The following GOLIM4 variants were observed in gnomAD, a reference collection of about 807,000 sequenced individuals.
The protein encoded by GOLIM4 is golgi integral membrane protein 4.
In GOLIM4, 71 loss-of-function variants were observed where a neutral mutation model predicts 107.4. The ratio of observed to expected loss-of-function variants is 0.66; its 90% CI spans 0.55 to 0.81. The LOEUF is 0.81. Ranked by LOEUF, GOLIM4 falls within the 30% of genes least tolerant of loss-of-function variation. The probability of loss-of-function intolerance (pLI) is 0.00; values close to 1 mark genes in which losing one functional copy is unlikely to be tolerated. For synonymous variants in GOLIM4, 327 were observed against 294.8 expected (o/e 1.11, Z -1.12); for missense variants, 830 against 826.1 (o/e 1.00, Z -0.06).
chr3:168,027,938 A>G (rs1263586563), intron 11 of GOLIM4, 101 bp from the exon 12 acceptor site: 4 of 737,552 alleles, frequency 5.4e-6, no homozygotes, highest in East Asian at 2.4e-5. Flanking sequence ...ACAGACTACA[A>G]TACCTCCACC....
At chr3:168,083,308 T>A (rs1241425135) in intron 1 of GOLIM4, among the ~76,000 whole-genome samples, 3 of 152,156 alleles carry the variant, frequency 2.0e-5, no homozygotes, top group Non-Finnish European at 4.4e-5. Flanking sequence ...CAAATAAAAC[T>A]TCACCAAGGA....
At chr3:168,063,442 A>G (rs1720370433) in intron 1 of GOLIM4, among the ~76,000 whole-genome samples, 1 of 152,178 alleles carries the variant, frequency 6.6e-6, no homozygotes, top group Admixed American at 6.5e-5. Context: ...AAAGAAAGGT[A>G]CAGAGATTTC....
In GOLIM4 at chr3:168,053,892, T is replaced by G. The variant is rs186004878; in HGVS notation, c.188-5527A>C. 9.0e-3 allele frequency among the ~76,000 whole-genome samples: 1,366 copies of G among 152,052 alleles called. 47 individuals are homozygous for G. The highest frequency in any genetic ancestry group is 4.2e-3 in the Non-Finnish European group (286 of 67,956). ...GAGATCTCCTAGAAAACAACCCCCA[T>G]AAAAGAAAGAAATAAAAAGAAAAAG... On this transcript the variant is annotated intron_variant, in intron 1 of 15. Transcript: ENST00000470487.
At chr3:168,090,392 CAAG>C (rs1352180023) in intron 1 of GOLIM4, among the ~76,000 whole-genome samples, 1 of 151,774 alleles carries the variant, frequency 6.6e-6, no homozygotes, top group Admixed American at 6.6e-5. Flanking sequence ...GGAAGCTAGA[CAAG>C]AAGACAACAC....
At position 168,029,787 on chromosome 3, in the gene GOLIM4, G is replaced by A; in HGVS notation, c.1426C>T (p.Gln476Ter). The A allele has an allele frequency of 6.2e-7, 1 of 1,613,520 alleles. No homozygotes were observed. The highest frequency in any genetic ancestry group is 8.5e-7 in the Non-Finnish European group (1 of 1,179,894). The change falls in exon 10 of 16, where the codon CAG becomes TAG. Residue 476 changes from glutamine to a stop codon, truncating the protein, a stop_gained. Transcript: ENST00000470487. LOFTEE classifies it high-confidence loss of function. ...AAGGAAGGGGAAGGCTACCGGAGCT[G>A]CTCCTGGTGCTGCGGCCGGCCCTCC... ...LEEGRPQHQE[Q>*]LRQQAHYDAM...
At chr3:168,024,187 A>AACT (rs1717867175) in intron 14 of GOLIM4, among the ~76,000 whole-genome samples, 1 of 152,216 alleles carries the variant, frequency 6.6e-6, no homozygotes, top group Non-Finnish European at 1.5e-5. Flanking sequence ...GGCAGTCCAG[A>AACT]TTCCCTCAAT....
chr3:168,073,004 A>C (rs999779973), intron 1 of GOLIM4, among the ~76,000 whole-genome samples: 1 of 152,222 alleles, frequency 6.6e-6, no homozygotes, highest in Non-Finnish European at 1.5e-5. Context: ...ACTTACGTAG[A>C]CCAGGCTTCC....
At chr3:168,041,529 T>C in intron 5 of GOLIM4, 55 bp from the exon 6 acceptor site, 1 of 821,740 alleles carries the variant, frequency 1.2e-6, no homozygotes, top group Non-Finnish European at 2.0e-6. Context: ...CAGGATTCTG[T>C]TTCTATTATT....
intron 14 of GOLIM4, among the ~76,000 whole-genome samples, chr3:168,015,657 TA>T (rs1717322155): frequency 1.5e-5 from 2 of 136,382 alleles, no homozygotes; most frequent in African/African-American, 3.7e-5. Context: ...AAGGCTACAG[TA>T]ACCAAAACAG....
At chr3:168,086,162 A>T (rs1363911554) in intron 1 of GOLIM4, among the ~76,000 whole-genome samples, 1 of 152,108 alleles carries the variant, frequency 6.6e-6, no homozygotes, top group East Asian at 1.9e-4. Flanking sequence ...AATTTAAAAC[A>T]TTTTCTGTCT....
Position 168,010,175 on chromosome 3 carries a change from G to T in GOLIM4, c.*94C>A. 9.1e-7 allele frequency: 1 copy of T among 1,102,980 alleles called. No individual in the cohort carries two copies. The highest frequency in any genetic ancestry group is 1.3e-6 in the Non-Finnish European group (1 of 783,456). 68.3% of individuals were successfully genotyped at this position (1,102,980 alleles called of 1,614,324 possible). A position where few individuals can be genotyped will look rare whatever the true frequency, so the allele number is the denominator to read the frequency against. ...AAAAAAGTCTAAGTTCTTAATTTTT[G>T]TAATTAAATATCCTAGAGTTCAGTA... On this transcript the variant is annotated 3_prime_UTR_variant, in exon 16 of 16. Coordinates refer to ENST00000470487, the MANE Select transcript of GOLIM4 (RefSeq NM_014498.5).
chr3:168,084,523 T>C (rs1394354374), intron 1 of GOLIM4, among the ~76,000 whole-genome samples: 1 of 152,178 alleles, frequency 6.6e-6, no homozygotes, highest in Non-Finnish European at 1.5e-5. Flanking sequence ...AGTTTTAAAA[T>C]GACTAAACAC....
chr3:168,033,564 G>A (rs1324950440), intron 8 of GOLIM4, among the ~76,000 whole-genome samples: 38 of 113,878 alleles, frequency 3.3e-4, no homozygotes, highest in Admixed American at 6.7e-4. Context: ...CCGAGATTGC[G>A]CCACTGCACT....
intron 1 of GOLIM4, among the ~76,000 whole-genome samples, chr3:168,080,505 C>T (rs977806562): frequency 2.0e-5 from 3 of 152,142 alleles, no homozygotes; most frequent in Non-Finnish European, 2.9e-5. Flanking sequence ...CCCTAGTGGC[C>T]ACCGTATTAG....
At chr3:168,012,721 T>C (rs1238086754) in intron 14 of GOLIM4, among the ~76,000 whole-genome samples, 2 of 151,550 alleles carry the variant, frequency 1.3e-5, no homozygotes, top group Non-Finnish European at 2.9e-5. Flanking sequence ...CAGAAGAGAG[T>C]GGGGGCCAAT....
intron 1 of GOLIM4, among the ~76,000 whole-genome samples, chr3:168,048,686 C>A (rs972010902): frequency 2.0e-5 from 3 of 152,144 alleles, no homozygotes; most frequent in Non-Finnish European, 4.4e-5. Flanking sequence ...TCTTCCTGGG[C>A]AACCTTGCTC....
intron 1 of GOLIM4, among the ~76,000 whole-genome samples, chr3:168,067,261 A>G (rs1339287282): frequency 6.6e-6 from 1 of 152,134 alleles, no homozygotes; most frequent in East Asian, 1.9e-4. Flanking sequence ...CAACTAGTCC[A>G]TCTCTTCCAT....
intron 7 of GOLIM4, among the ~76,000 whole-genome samples, chr3:168,037,342 A>C (rs747182926): frequency 6.6e-6 from 1 of 152,074 alleles, no homozygotes; most frequent in African/African-American, 2.4e-5. Context: ...TCCATTAAAA[A>C]CTCATATAAT....
At chr3:168,059,355 AC>A (rs1347854005) in intron 1 of GOLIM4, among the ~76,000 whole-genome samples, 1 of 152,258 alleles carries the variant, frequency 6.6e-6, no homozygotes, top group African/African-American at 2.4e-5. Flanking sequence ...AGCAGTACAC[AC>A]AAGTTAACTC....
Sources: gnomAD v4.1 joint callset for allele counts (sites outside exome capture counted in the v4.1 genomes callset) on GRCh38, gnomAD v4.1.1 for gene constraint, MANE v1.5 for transcripts, NCBI Gene and HGNC (gene_info 2026-07-23, HGNC 2026-07-21) for gene names.